The following PDE4D variants were observed in gnomAD, a reference collection of about 807,000 sequenced individuals.
PDE4D encodes phosphodiesterase 4D.
PDE4D carries 24 observed loss-of-function variants against 87.4 expected under a neutral mutation model. That is an observed-to-expected ratio of 0.27 (90% CI 0.20 to 0.39). The LOEUF is 0.39. Ranked by LOEUF, PDE4D falls within the 10% of genes least tolerant of loss-of-function variation. The pLI, the probability that PDE4D is intolerant of heterozygous loss-of-function variation, is 1.00. For synonymous variants in PDE4D, 384 were observed against 383.2 expected, an observed-to-expected ratio of 1.00 and a Z score of -0.02; for missense variants, 714 against 1,041.0, an observed-to-expected ratio of 0.69 and a Z score of 4.32.
At chr5:60,046,988 A>G (rs1201858407) in intron 2 of PDE4D, among the ~76,000 whole-genome samples, 5 of 152,102 alleles carry the variant, frequency 3.3e-5, no homozygotes, top group Admixed American at 2.6e-4. Context: ...CTGTGAATCC[A>G]TCTGGTCCTG....
At position 59,893,424 on chromosome 5, in the gene PDE4D, G is replaced by GCTGGGC; in HGVS notation, c.198_199insGCCCAG (p.Gln66_Pro67insAlaGln). 1 of 1,497,734 alleles carries GCTGGGC rather than the reference G, an allele frequency of 6.7e-7. No homozygotes were observed. The highest frequency in any genetic ancestry group is 8.9e-7 in the Non-Finnish European group (1 of 1,121,356). 92.8% of individuals were successfully genotyped at this position (1,497,734 alleles called of 1,614,324 possible). A position where few individuals can be genotyped will look rare whatever the true frequency, so the allele number is the denominator to read the frequency against. Reference sequence around the variant, plus strand: ...GGCTGTAGCGGACACTGGGGCTGGGGCTGGGGCGAGGGTGGCGGCGGCGGG... The same window carrying GCTGGGC: ...GGCTGTAGCGGACACTGGGGCTGGGGCTGGGCCTGGGGCGAGGGTGGCGGCGGCGGG... On this transcript the variant is annotated inframe_insertion, in exon 1 of 15. Transcript: ENST00000340635.
At chr5:60,012,187 C>A (rs1765081474) in intron 2 of PDE4D, among the ~76,000 whole-genome samples, 1 of 152,108 alleles carries the variant, frequency 6.6e-6, no homozygotes, top group East Asian at 1.9e-4. Flanking sequence ...TAATTGAAAT[C>A]TTTAAAAGAA....
intron 5 of PDE4D, among the ~76,000 whole-genome samples, chr5:59,093,548 A>C (rs974182550): frequency 6.6e-6 from 1 of 152,226 alleles, no homozygotes; most frequent in Non-Finnish European, 1.5e-5. Context: ...GGTACCCCCT[A>C]ATCATGACCT....
chr5:60,520,587 AGTGGCCCATGGCTT>A (rs919026030), intron 1 of PDE4D, among the ~76,000 whole-genome samples: 2 of 152,212 alleles, frequency 1.3e-5, no homozygotes, highest in Admixed American at 1.3e-4. Flanking sequence ...CAATATGGGT[AGTGGCCCATGGCTT>A]GTGGCCCCGG....
intron 1 of PDE4D, among the ~76,000 whole-genome samples, chr5:60,340,597 T>C (rs1388351725): frequency 1.0e-5 from 1 of 96,340 alleles, no homozygotes; most frequent in Non-Finnish European, 1.9e-5. Context: ...CACAAAGCAG[T>C]CACATCATTT....
intron 1 of PDE4D, among the ~76,000 whole-genome samples, chr5:60,233,353 A>G (rs1193502392): frequency 2.0e-5 from 3 of 151,826 alleles, no homozygotes; most frequent in African/African-American, 7.2e-5. Context: ...TTGAATGGTT[A>G]TTAATTTTTT....
At chr5:58,989,532 A>G (rs1747364670) in intron 10 of PDE4D, among the ~76,000 whole-genome samples, 1 of 152,194 alleles carries the variant, frequency 6.6e-6, no homozygotes, top group Non-Finnish European at 1.5e-5. Context: ...CAAAGAAGCA[A>G]TATCATAAAC....
At chr5:59,779,121 C>T (rs923147371) in intron 1 of PDE4D, among the ~76,000 whole-genome samples, 7 of 151,564 alleles carry the variant, frequency 4.6e-5, no homozygotes, top group African/African-American at 1.2e-4. Flanking sequence ...GAGATTGCAC[C>T]GCTGCACTCC....
chr5:59,138,030 G>A (rs1001321689), intron 5 of PDE4D, among the ~76,000 whole-genome samples: 6 of 152,186 alleles, frequency 3.9e-5, no homozygotes, highest in Admixed American at 2.6e-4. Context: ...CAACCCTAAC[G>A]AGGTTAAAGG....
In PDE4D at chr5:59,205,695, CA is replaced by C. The variant is rs1373867416; in HGVS notation, c.647+10081del. Among the ~76,000 whole-genome samples, 17 of 142,458 alleles carry C rather than the reference CA, an allele frequency of 1.2e-4. No homozygotes were observed. In the East Asian group the frequency reaches 3.3e-3, roughly 28 times the overall value. The allele number at this position is 142,458 out of a possible 152,430, so 93.5% of individuals were successfully genotyped here. A position where few individuals can be genotyped will look rare whatever the true frequency, so the allele number is the denominator to read the frequency against. On this transcript the variant is annotated intron_variant, in intron 2 of 14. Transcript: ENST00000340635. The stretch of plus-strand genomic sequence containing the variant: ...ACACACACACACACACACACACACA[CA>C]CACCAATCCACAAAAACAAAACTGA...
chr5:59,156,318 A>ATATATATATATATATATAT (rs530343458), intron 5 of PDE4D, among the ~76,000 whole-genome samples: 4 of 21,304 alleles, frequency 1.9e-4, no homozygotes, highest in African/African-American at 1.0e-3. Flanking sequence ...AGAAAAAAAA[A>ATATATATATATATATATAT]AAATATATAT....
chr5:59,764,653 T>A (rs1762562273), intron 1 of PDE4D, among the ~76,000 whole-genome samples: 1 of 132,014 alleles, frequency 7.6e-6, no homozygotes. Context: ...AGAAGTCCCT[T>A]TTTTTTTTTT....
intron 1 of PDE4D, among the ~76,000 whole-genome samples, chr5:59,744,578 T>C (rs1759333308): frequency 1.3e-5 from 2 of 152,128 alleles, no homozygotes; most frequent in Non-Finnish European, 2.9e-5. Context: ...TCATAAAATC[T>C]TCTGAGAGGA....
At chr5:60,156,406 C>T (rs1781983174) in intron 2 of PDE4D, among the ~76,000 whole-genome samples, 2 of 152,144 alleles carry the variant, frequency 1.3e-5, no homozygotes, top group Admixed American at 1.3e-4. Flanking sequence ...CTAGAGTGAG[C>T]TTTCCTCCAG....
intron 1 of PDE4D, among the ~76,000 whole-genome samples, chr5:59,573,576 C>G (rs1205926353): frequency 6.6e-6 from 1 of 152,106 alleles, no homozygotes; most frequent in Non-Finnish European, 1.5e-5. Context: ...CTCCATCATT[C>G]TCATTGGCTC....
intron 1 of PDE4D, among the ~76,000 whole-genome samples, chr5:59,424,067 T>C (rs2702373): frequency 0.83 from 125,919 of 151,970 alleles, 52,307 homozygotes; most frequent in South Asian, 0.88. Context: ...AGTGGTAGAG[T>C]GGTTAGGCTG....
At chr5:60,273,121 A>T (rs545005450) in intron 1 of PDE4D, among the ~76,000 whole-genome samples, 1 of 152,344 alleles carries the variant, frequency 6.6e-6, no homozygotes, top group Admixed American at 6.5e-5. Flanking sequence ...ACTGAGGAAG[A>T]TAAACAAGTA....
intron 1 of PDE4D, among the ~76,000 whole-genome samples, chr5:60,328,227 C>A (rs1375694824): frequency 6.6e-6 from 1 of 152,050 alleles, no homozygotes; most frequent in Non-Finnish European, 1.5e-5. Flanking sequence ...GTTGGCAGCA[C>A]CTAGGTAAGT....
chr5:59,244,717 T>TGC (rs1483213456), intron 1 of PDE4D, among the ~76,000 whole-genome samples: 95 of 144,918 alleles, frequency 6.6e-4, no homozygotes, highest in African/African-American at 2.3e-3. Flanking sequence ...TGTGTGTGTG[T>TGC]GTGTGTATAG....
Sources: gnomAD v4.1 joint callset for allele counts (sites outside exome capture counted in the v4.1 genomes callset) on GRCh38, gnomAD v4.1.1 for gene constraint, MANE v1.5 for transcripts, NCBI Gene and HGNC (gene_info 2026-07-23, HGNC 2026-07-21) for gene names.